Variants in ORMDL1 observed in about 807,000 individuals in gnomAD.
The protein encoded by ORMDL1 is ORMDL sphingolipid biosynthesis regulator 1.
ORMDL1 carries 10 observed loss-of-function variants against 13.0 expected under a neutral mutation model. The observed-to-expected ratio is 0.77, with a 90% CI of 0.47 to 1.30. The LOEUF is 1.30. Among genes scored for constraint, ORMDL1 ranks in the 50% most tolerant of loss-of-function variants. The probability of loss-of-function intolerance (pLI) is 0.00; values close to 1 mark genes in which losing one functional copy is unlikely to be tolerated. For missense variants in ORMDL1, 171 were observed against 186.7 expected, an observed-to-expected ratio of 0.92 and a Z score of 0.49; for synonymous variants, 61 against 63.9, an observed-to-expected ratio of 0.95 and a Z score of 0.22.
At chr2:189,777,766 G>A (rs1435507161) in intron 3 of ORMDL1, among the ~76,000 whole-genome samples, 4 of 152,094 alleles carry the variant, frequency 2.6e-5, no homozygotes, top group African/African-American at 9.7e-5. Context: ...TACCTCTAAG[G>A]GTGAGGTAGC....
At chr2:189,773,761 A>G (rs2047632939) in intron 4 of ORMDL1, 2 of 151,780 alleles carry the variant, frequency 1.3e-5, no homozygotes, top group Admixed American at 1.3e-4. Flanking sequence ...TCCATGTCAC[A>G]CCTACCTGAC....
At chr2:189,779,617 C>A (rs1039985297) in intron 3 of ORMDL1, among the ~76,000 whole-genome samples, 1 of 152,144 alleles carries the variant, frequency 6.6e-6, no homozygotes, top group African/African-American at 2.4e-5. Context: ...TTGGATTTTA[C>A]CATGACTGCA....
At chr2:189,778,323 A>AG (rs1336215113) in intron 3 of ORMDL1, 13 of 444,586 alleles carry the variant, frequency 2.9e-5, no homozygotes, top group African/African-American at 2.6e-4. Flanking sequence ...TGAACCCAGG[A>AG]GGGGGAGGTT....
At chr2:189,775,525 TATCCA>T in intron 4 of ORMDL1, 35 bp downstream of exon 4, 1 of 1,517,386 alleles carries the variant, frequency 6.6e-7, no homozygotes, top group Non-Finnish European at 8.9e-7. Context: ...ATCTTCCTCT[TATCCA>T]ATCCTCCTCA....
intron 3 of ORMDL1, chr2:189,778,309 C>T (rs1005072803): frequency 1.5e-4 from 63 of 434,256 alleles, no homozygotes; most frequent in Non-Finnish European, 2.3e-4. Context: ...GCAGGAGAAT[C>T]GCTTGAACCC....
At chr2:189,767,330 A>G (rs948233608), downstream of ORMDL1, among the ~76,000 whole-genome samples, 3 of 152,240 alleles carry the variant, frequency 2.0e-5, no homozygotes, top group African/African-American at 7.2e-5. Flanking sequence ...AAATGTTTCA[A>G]AGGATCTCTG....
intron 3 of ORMDL1, chr2:189,778,534 G>T (rs538897530): frequency 4.4e-5 from 19 of 429,586 alleles, no homozygotes; most frequent in Non-Finnish European, 8.0e-5. Context: ...GAGTTGTGTA[G>T]ATTCCTGGAG....
chr2:189,769,051 C>G (rs892510875), downstream of ORMDL1, among the ~76,000 whole-genome samples: 1 of 151,922 alleles, frequency 6.6e-6, no homozygotes, highest in Non-Finnish European at 1.5e-5. Context: ...ATTATTAAAA[C>G]AGAACTAAAT....
intron 1 of ORMDL1, chr2:189,783,373 T>G (rs2047939328): frequency 6.6e-6 from 1 of 152,198 alleles, no homozygotes. Context: ...GACTAAGAAT[T>G]GCTTAAAATA....
chr2:189,771,825 A>G lies in ORMDL1; in HGVS notation c.404T>C (p.Leu135Pro), dbSNP rs2047584738. The change falls in exon 5 of 5, where the codon CTA becomes CCA. Residue 135 changes from leucine to proline, a missense_variant. Transcript: ENST00000392349. ...ILNTASLLSV[L>P]IPKMPQLHGV... ...ATGTAGTTGTGGCATTTTGGGAATT[A>G]GTACACTCAGGAGAGAAGCTGTGTT... The G allele has an allele frequency of 1.2e-6, 2 of 1,611,894 alleles. No homozygotes were observed. Among genetic ancestry groups the G allele is most frequent in the African/African-American group, 1.3e-5 (1 of 74,966 alleles).
At chr2:189,772,362 C>A (rs2047597829) in intron 4 of ORMDL1, among the ~76,000 whole-genome samples, 1 of 152,182 alleles carries the variant, frequency 6.6e-6, no homozygotes, top group Admixed American at 6.5e-5. Context: ...CAATTCCTAT[C>A]TTTGAAGGAA....
rs72905305 is a variant in ORMDL1, at chr2:189,783,054, T to G, written c.-48A>C. On this transcript the variant is annotated 5_prime_UTR_variant, in exon 2 of 5. Transcript: ENST00000392349. Reference sequence around the variant, plus strand: ...AGTAGTCAGACTCTTATATTTGACTTAATGTATCCATAAAGAATGGTCAGA... The same window carrying G: ...AGTAGTCAGACTCTTATATTTGACTGAATGTATCCATAAAGAATGGTCAGA... 85 of 158,214 alleles carry G rather than the reference T, an allele frequency of 5.4e-4. No homozygotes were observed. Among genetic ancestry groups the G allele is most frequent in the Non-Finnish European group, 8.6e-4 (61 of 70,978 alleles). 9.8% of individuals were successfully genotyped at this position (158,214 alleles called of 1,614,324 possible).
downstream of ORMDL1, among the ~76,000 whole-genome samples, chr2:189,765,958 C>G (rs2047477255): frequency 6.7e-6 from 1 of 149,902 alleles, no homozygotes; most frequent in African/African-American, 2.5e-5. Flanking sequence ...TCCTGAGTAG[C>G]TGGGACTACA....
At chr2:189,767,739 G>A (rs777910960), downstream of ORMDL1, among the ~76,000 whole-genome samples, 3 of 152,146 alleles carry the variant, frequency 2.0e-5, no homozygotes, top group Non-Finnish European at 4.4e-5. Flanking sequence ...AGAGCTACAC[G>A]TAAGTCATCC....
intron 4 of ORMDL1, among the ~76,000 whole-genome samples, chr2:189,772,649 C>T (rs1333031684): frequency 6.6e-6 from 1 of 152,178 alleles, no homozygotes; most frequent in African/African-American, 2.4e-5. Flanking sequence ...CATCTGATTA[C>T]TAACAGAATA....
intron 4 of ORMDL1, among the ~76,000 whole-genome samples, chr2:189,772,410 A>G (rs568741909): frequency 1.3e-5 from 2 of 152,300 alleles, no homozygotes; most frequent in Non-Finnish European, 2.9e-5. Flanking sequence ...TCTCATTTTC[A>G]TACTGTAGTT....
chr2:189,777,813 G>A (rs1472856229), intron 3 of ORMDL1, among the ~76,000 whole-genome samples: 1 of 152,110 alleles, frequency 6.6e-6, no homozygotes, highest in Non-Finnish European at 1.5e-5. Flanking sequence ...TCTACTGTAC[G>A]GTTCAGAAAG....
Position 189,782,587 on chromosome 2 carries a change from A to C in ORMDL1, c.9T>G (p.Val3=). ...GATTCACTTCACTGTGGGCAACTCC[A>C]ACGTTCATGTTTGCTCTGTAGGAAG... MN[V]GVAHSEVNPN... Residue 3 remains valine, a synonymous_variant, in exon 3 of 5, where the codon GTT becomes GTG. Coordinates refer to ENST00000392349, the MANE Select transcript of ORMDL1 (RefSeq NM_016467.5). 1 of 1,613,970 alleles carries C rather than the reference A, an allele frequency of 6.2e-7. No individual in the cohort carries two copies. The highest frequency in any genetic ancestry group is 8.5e-7 in the Non-Finnish European group (1 of 1,179,900).
At chr2:189,783,979 C>G (rs569676155) in intron 1 of ORMDL1, 1 of 152,270 alleles carries the variant, frequency 6.6e-6, no homozygotes, top group Non-Finnish European at 1.5e-5. Flanking sequence ...ACAGCCCGAG[C>G]GCTCTGGGCC....
Sources: allele counts gnomAD v4.1 joint callset (sites outside exome capture counted in the v4.1 genomes callset), GRCh38; gene constraint gnomAD v4.1.1; transcripts MANE v1.5; gene names NCBI Gene and HGNC (gene_info 2026-07-23, HGNC 2026-07-21).